The following SLC16A12 variants were observed in gnomAD, a reference collection of about 807,000 sequenced individuals.
SLC16A12 encodes the protein solute carrier family 16 member 12, also known as monocarboxylate transporter 12.
SLC16A12 carries 17 observed loss-of-function variants against 42.4 expected under a neutral mutation model. That is an observed-to-expected ratio of 0.40 (90% CI 0.27 to 0.60). The LOEUF (loss-of-function observed/expected upper bound fraction) is 0.60. Ranked by LOEUF, SLC16A12 falls within the 20% of genes least tolerant of loss-of-function variation. SLC16A12 has a pLI of 0.42. For missense variants in SLC16A12, 544 were observed against 623.0 expected (o/e 0.87, Z 1.35); for synonymous variants, 224 against 229.4 (o/e 0.98, Z 0.21).
At position 89,432,879 on chromosome 10, in the gene SLC16A12, G is replaced by T. The variant is rs112629946; in HGVS notation, c.*185C>A. The T allele has an allele frequency of 0.011, 8,811 of 799,598 alleles. 76 individuals carry two copies. Among genetic ancestry groups the T allele is most frequent in the Middle Eastern group, 0.017 (43 of 2,568 alleles). The allele number at this position is 799,598 out of a possible 1,614,324, so 49.5% of individuals were successfully genotyped here. ...CACAAATCCCAAATGAGAAGGCTCT[G>T]GGCTAGTCCAGCTTTCCTTATTATG... is the stretch of plus-strand genomic sequence containing the variant. On this transcript the variant is annotated 3_prime_UTR_variant, in exon 8 of 8. Transcript: ENST00000371790.
chr10:89,507,173 TC>T (rs1843077486), intron 2 of SLC16A12, among the ~76,000 whole-genome samples: 2 of 151,854 alleles, frequency 1.3e-5, no homozygotes, highest in Non-Finnish European at 2.9e-5. Flanking sequence ...ATCCAGAACT[TC>T]CCCAACATAG....
intron 2 of SLC16A12, among the ~76,000 whole-genome samples, chr10:89,483,098 A>G (rs531686365): frequency 2.0e-5 from 3 of 151,004 alleles, no homozygotes; most frequent in African/African-American, 7.4e-5. Flanking sequence ...TGGCTTGAAG[A>G]TGGCCACCTT....
chr10:89,446,835 C>T (rs1225348312), intron 3 of SLC16A12, among the ~76,000 whole-genome samples: 2 of 152,068 alleles, frequency 1.3e-5, no homozygotes, highest in East Asian at 3.9e-4. Flanking sequence ...GAGTCAAGAG[C>T]CATCAGTATG....
intron 2 of SLC16A12, among the ~76,000 whole-genome samples, chr10:89,485,303 A>G (rs1842728055): frequency 6.6e-6 from 1 of 152,230 alleles, no homozygotes. Context: ...AAATGTCAAC[A>G]GTGACAAGGT....
chr10:89,473,214 A>T (rs1188570762), intron 2 of SLC16A12, among the ~76,000 whole-genome samples: 1 of 152,120 alleles, frequency 6.6e-6, no homozygotes, highest in African/African-American at 2.4e-5. Context: ...AAATATTTTT[A>T]AAAGAAAGAA....
At chr10:89,527,432 G>A (rs970806860) in intron 2 of SLC16A12, among the ~76,000 whole-genome samples, 4 of 151,764 alleles carry the variant, frequency 2.6e-5, no homozygotes, top group Non-Finnish European at 2.9e-5. Context: ...GCAGCAAGCC[G>A]AGATCATGCC....
intron 7 of SLC16A12, 138 bp downstream of exon 7, chr10:89,435,922 G>C (rs1841775984): frequency 2.4e-6 from 3 of 1,233,092 alleles, no homozygotes. Context: ...TGGTTTTGGG[G>C]GCTCTTATAT....
intron 2 of SLC16A12, among the ~76,000 whole-genome samples, chr10:89,555,589 A>G (rs987870973): frequency 8.0e-5 from 11 of 137,812 alleles, no homozygotes; most frequent in Admixed American, 4.4e-4. Flanking sequence ...GTATATATGT[A>G]TATATACACA....
intron 2 of SLC16A12, among the ~76,000 whole-genome samples, chr10:89,533,641 G>A (rs1232235376): frequency 6.6e-6 from 1 of 151,984 alleles, no homozygotes; most frequent in Non-Finnish European, 1.5e-5. Context: ...AGGAAAGATG[G>A]GGGTAGAGTT....
chr10:89,486,664 A>G lies in SLC16A12; in HGVS notation c.-46-24040T>C, dbSNP rs775101999. 6.3e-3 allele frequency among the ~76,000 whole-genome samples: 589 copies of G among 94,090 alleles called. 3 individuals are homozygous for G. Among genetic ancestry groups the G allele is most frequent in the Non-Finnish European group, 9.3e-3 (420 of 45,250 alleles). 61.7% of individuals were successfully genotyped at this position (94,090 alleles called of 152,430 possible). ...GAAAGAAAGAAAGAAAGAAAGAAAGAAAAGAAAGAAAGAAAGAAAAGAAAG... is the reference window on the plus strand; with the variant it reads ...GAAAGAAAGAAAGAAAGAAAGAAAGGAAAGAAAGAAAGAAAGAAAAGAAAG... On this transcript the variant is annotated intron_variant, in intron 2 of 7. Transcript: ENST00000371790.
At chr10:89,494,575 C>T (rs1277857182) in intron 2 of SLC16A12, among the ~76,000 whole-genome samples, 2 of 152,066 alleles carry the variant, frequency 1.3e-5, no homozygotes, top group Non-Finnish European at 2.9e-5. Context: ...GGAAATAAAC[C>T]ACAAGGATAA....
chr10:89,433,904 C>A (rs1841735242), intron 7 of SLC16A12, among the ~76,000 whole-genome samples: 2 of 152,092 alleles, frequency 1.3e-5, no homozygotes, highest in African/African-American at 4.8e-5. Context: ...CAATATCTAT[C>A]TCAGCTCTAA....
At chr10:89,541,441 T>C (rs1241240704) in intron 2 of SLC16A12, among the ~76,000 whole-genome samples, 1 of 151,994 alleles carries the variant, frequency 6.6e-6, no homozygotes, top group East Asian at 1.9e-4. Flanking sequence ...CAAAAAAATT[T>C]TAAAAATTAG....
rs988813612 is a variant in SLC16A12 at position 89,458,415 on chromosome 10, C to A, written c.200+3964G>T. ...GTCTGAAAAATAACAGGATTAGGCACTTTGGAGCTATCTACTTACTTCTTT... is the reference window on the plus strand; with the variant it reads ...GTCTGAAAAATAACAGGATTAGGCAATTTGGAGCTATCTACTTACTTCTTT... On this transcript the variant is annotated intron_variant, in intron 3 of 7. Coordinates refer to ENST00000371790, the MANE Select transcript of SLC16A12 (RefSeq NM_213606.4). Among the ~76,000 whole-genome samples, 3 of 152,182 alleles carry A rather than the reference C, an allele frequency of 2.0e-5. No individual in the cohort carries two copies. In the South Asian group the frequency reaches 6.2e-4, roughly 31 times the overall value.
intron 2 of SLC16A12, among the ~76,000 whole-genome samples, chr10:89,498,006 T>C (rs1842945870): frequency 6.6e-6 from 1 of 152,112 alleles, no homozygotes; most frequent in East Asian, 1.9e-4. Context: ...TCTTTATAAC[T>C]AGTAAAAATA....
At chr10:89,517,988 G>A (rs1346767610) in intron 2 of SLC16A12, among the ~76,000 whole-genome samples, 2 of 152,248 alleles carry the variant, frequency 1.3e-5, no homozygotes, top group African/African-American at 2.4e-5. Flanking sequence ...CCTTAGACTT[G>A]GGGAAAACAG....
chr10:89,434,185 T>A (rs1841739537), intron 7 of SLC16A12, among the ~76,000 whole-genome samples: 1 of 152,182 alleles, frequency 6.6e-6, no homozygotes, highest in South Asian at 2.1e-4. Flanking sequence ...CTCTCAAATA[T>A]TTTAGTTATT....
upstream of SLC16A12, among the ~76,000 whole-genome samples, chr10:89,536,026 G>T (rs1404252865): frequency 6.6e-6 from 1 of 152,250 alleles, no homozygotes; most frequent in South Asian, 2.1e-4. Flanking sequence ...TTGGCTAGGG[G>T]CGAGGGGCGC....
intron 7 of SLC16A12, among the ~76,000 whole-genome samples, chr10:89,433,858 T>G (rs1051761571): frequency 6.6e-6 from 1 of 152,146 alleles, no homozygotes. Flanking sequence ...CAAACTAGCT[T>G]TTTTTTCTTT....
Sources: allele counts gnomAD v4.1 joint callset (sites outside exome capture counted in the v4.1 genomes callset), GRCh38; gene constraint gnomAD v4.1.1; transcripts MANE v1.5; gene names NCBI Gene and HGNC (gene_info 2026-07-23, HGNC 2026-07-21).